Variants in URI1 observed in about 807,000 individuals in gnomAD.
URI1 encodes the protein URI1 prefoldin like chaperone.
Under a neutral mutation model 60.2 loss-of-function variants are expected in URI1, and 39 were observed. The ratio of observed to expected loss-of-function variants is 0.65; its 90% CI spans 0.50 to 0.85. The LOEUF (loss-of-function observed/expected upper bound fraction) is 0.85, where lower values mean the gene tolerates loss of function less well. Among genes scored for constraint, URI1 ranks in the 40% least tolerant of loss-of-function variants. URI1 has a pLI of 0.00. For synonymous variants in URI1, 251 were observed against 236.8 expected (o/e 1.06, Z -0.55); for missense variants, 691 against 665.9 (o/e 1.04, Z -0.42).
At chr19:29,952,336 G>C (rs1221608598) in intron 1 of URI1, among the ~76,000 whole-genome samples, 1 of 152,190 alleles carries the variant, frequency 6.6e-6, no homozygotes, top group Non-Finnish European at 1.5e-5. Context: ...CCAGGTTCTT[G>C]CATCATGAAG....
upstream of URI1, among the ~76,000 whole-genome samples, chr19:29,941,310 G>A (rs2055021134): frequency 6.6e-6 from 1 of 152,242 alleles, no homozygotes; most frequent in East Asian, 1.9e-4. Flanking sequence ...GGGCACAGGA[G>A]TTCTAAAATA....
intron 4 of URI1, among the ~76,000 whole-genome samples, chr19:29,989,410 G>T (rs2055715406): frequency 6.7e-6 from 1 of 148,652 alleles, no homozygotes; most frequent in African/African-American, 2.5e-5. Context: ...ATTGCACCTG[G>T]CCTGGGTTAT....
At chr19:29,988,926 G>A (rs369857341) in intron 4 of URI1, among the ~76,000 whole-genome samples, 2 of 152,132 alleles carry the variant, frequency 1.3e-5, no homozygotes, top group East Asian at 3.9e-4. Context: ...GTATCTTTGC[G>A]TCTCTACCAG....
At chr19:29,974,148 A>G (rs1231728942) in intron 2 of URI1, among the ~76,000 whole-genome samples, 1 of 152,138 alleles carries the variant, frequency 6.6e-6, no homozygotes, top group African/African-American at 2.4e-5. Flanking sequence ...TCAGAGTCTC[A>G]GTTTTTTCTT....
At chr19:29,968,040 T>G (rs1403794329) in intron 1 of URI1, among the ~76,000 whole-genome samples, 4 of 152,216 alleles carry the variant, frequency 2.6e-5, no homozygotes, top group African/African-American at 9.7e-5. Flanking sequence ...TAAAGACTCC[T>G]AAATAGTGGT....
chr19:29,964,130 T>C (rs1267117623), intron 1 of URI1, among the ~76,000 whole-genome samples: 1 of 152,202 alleles, frequency 6.6e-6, no homozygotes. Context: ...ATTCTCAGCC[T>C]CTTGCCTGTG....
intron 1 of URI1, among the ~76,000 whole-genome samples, chr19:29,966,559 A>T (rs531352273): frequency 1.3e-5 from 2 of 152,280 alleles, no homozygotes; most frequent in African/African-American, 4.8e-5. Flanking sequence ...TACTTAAAAG[A>T]TTTGTAATTT....
intron 1 of URI1, among the ~76,000 whole-genome samples, chr19:29,931,641 A>T (rs966269738): frequency 9.9e-5 from 15 of 152,184 alleles, no homozygotes; most frequent in African/African-American, 3.6e-4. Context: ...CTTCCAATCC[A>T]TGAAGGCAAG....
intron 1 of URI1, among the ~76,000 whole-genome samples, chr19:29,963,034 C>G (rs908446978): frequency 6.6e-6 from 1 of 152,188 alleles, no homozygotes; most frequent in African/African-American, 2.4e-5. Context: ...CTACCCCCAG[C>G]TGCACATAAA....
chr19:29,979,251 ATTAG>A (rs1326028551), intron 2 of URI1, among the ~76,000 whole-genome samples: 3 of 152,176 alleles, frequency 2.0e-5, no homozygotes, highest in African/African-American at 7.2e-5. Flanking sequence ...AGGAATTTAT[ATTAG>A]TTATAGAAAA....
chr19:29,982,077 C>G (rs1188605376), intron 2 of URI1, among the ~76,000 whole-genome samples: 1 of 152,150 alleles, frequency 6.6e-6, no homozygotes, highest in Non-Finnish European at 1.5e-5. Flanking sequence ...CGAATGTAGC[C>G]TTTAGAGAGA....
At chr19:30,010,378 T>C (rs1406484288) in intron 8 of URI1, among the ~76,000 whole-genome samples, 1 of 152,234 alleles carries the variant, frequency 6.6e-6, no homozygotes, top group Non-Finnish European at 1.5e-5. Context: ...TGAAGGGGTC[T>C]TCCCCTGATT....
chr19:30,004,183 G>A (rs2055911639), intron 4 of URI1: 1 of 152,070 alleles, frequency 6.6e-6, no homozygotes, highest in African/African-American at 2.4e-5. Context: ...CATCAGGGCT[G>A]TGAGATTTTA....
chr19:29,924,156 G>A (rs1469416383), intron 1 of URI1, among the ~76,000 whole-genome samples: 3 of 152,106 alleles, frequency 2.0e-5, no homozygotes, highest in Non-Finnish European at 4.4e-5. Flanking sequence ...CTACATTGGT[G>A]AGGGCAGATG....
rs2055982399 is a variant in URI1, at chr19:30,009,125, T to C, written c.807T>C (p.His269=). ...TAACAGACTCTCATACTCCTTGTCA[T>C]AAGGATGTTGCAAGTTCAGAACCAT... ...HQVTDSHTPC[H]KDVASSEPFS... is the part of the protein sequence containing the mutation. Residue 269 remains histidine, a synonymous_variant, in exon 8 of 11, where the codon CAT becomes CAC. Transcript: ENST00000392271. 1.2e-6 allele frequency: 2 copies of C among 1,613,880 alleles called. No homozygotes were observed. Among genetic ancestry groups the C allele is most frequent in the African/African-American group, 1.3e-5 (1 of 74,884 alleles).
intron 1 of URI1, among the ~76,000 whole-genome samples, chr19:29,964,724 A>C (rs956615150): frequency 3.3e-5 from 5 of 151,896 alleles, no homozygotes; most frequent in South Asian, 4.2e-4. Context: ...GGCCTCCCAA[A>C]GTGCTGGGAT....
At chr19:29,987,548 C>T (rs1268181198) in intron 4 of URI1, among the ~76,000 whole-genome samples, 3 of 152,126 alleles carry the variant, frequency 2.0e-5, no homozygotes, top group East Asian at 3.8e-4. Flanking sequence ...AATGGGCATA[C>T]TTTTTTCTTA....
At chr19:29,998,456 CTTCTG>C (rs1485836335) in intron 4 of URI1, among the ~76,000 whole-genome samples, 4 of 151,914 alleles carry the variant, frequency 2.6e-5, no homozygotes, top group Non-Finnish European at 4.4e-5. Flanking sequence ...TAATTTCTCC[CTTCTG>C]TTCTGTACAT....
At chr19:29,985,407 T>A in intron 3 of URI1, 106 bp downstream of exon 3, 1 of 835,236 alleles carries the variant, frequency 1.2e-6, no homozygotes, top group Non-Finnish European at 1.8e-6. Context: ...CCAAGGTAAC[T>A]ATGTAGCAAG....
Sources: gnomAD v4.1 joint callset for allele counts (sites outside exome capture counted in the v4.1 genomes callset) on GRCh38, gnomAD v4.1.1 for gene constraint, MANE v1.5 for transcripts, NCBI Gene and HGNC (gene_info 2026-07-23, HGNC 2026-07-21) for gene names.